The following TLN2 variants were observed in gnomAD, a reference collection of about 807,000 sequenced individuals.
TLN2 encodes the protein talin-2.
TLN2 carries 118 observed loss-of-function variants against 294.7 expected under a neutral mutation model. The ratio of observed to expected loss-of-function variants is 0.40; its 90% confidence interval spans 0.34 to 0.47. The LOEUF (loss-of-function observed/expected upper bound fraction) is 0.47, where lower values mean the gene tolerates loss of function less well. Among genes scored for constraint, TLN2 ranks in the 20% least tolerant of loss-of-function variants. The pLI is 0.84. For missense variants in TLN2, 3,083 were observed against 3,282.2 expected (o/e 0.94, Z 1.48); for synonymous variants, 1,431 against 1,304.5 (o/e 1.10, Z -2.09).
intron 3 of TLN2, among the ~76,000 whole-genome samples, chr15:62,632,700 C>G (rs1048546559): frequency 6.6e-6 from 1 of 152,172 alleles, no homozygotes; most frequent in Non-Finnish European, 1.5e-5. Context: ...TGTAGATTGA[C>G]CTGTATCCTT....
intron 7 of TLN2, among the ~76,000 whole-genome samples, chr15:62,654,745 A>T (rs572961001): frequency 1.8e-5 from 2 of 111,444 alleles, no homozygotes; most frequent in African/African-American, 7.5e-5. Context: ...ACAGAGCGTG[A>T]CTCTGCCTCA....
intron 2 of TLN2, 149 bp downstream of exon 2, chr15:62,589,911 G>T (rs1265966080): frequency 6.6e-6 from 1 of 152,252 alleles, no homozygotes; most frequent in South Asian, 2.1e-4. Flanking sequence ...AAGAGTGCCC[G>T]GTCCTAATAT....
At chr15:62,533,388 G>T (rs1471064233) in intron 1 of TLN2, among the ~76,000 whole-genome samples, 1 of 151,986 alleles carries the variant, frequency 6.6e-6, no homozygotes, top group Non-Finnish European at 1.5e-5. Flanking sequence ...TGGTCAGGGG[G>T]ATGTTTTCCA....
At chr15:62,414,164 C>CTATATATATATATATATATATATATA (rs780803268) in intron 1 of TLN2, among the ~76,000 whole-genome samples, 18 of 90,616 alleles carry the variant, frequency 2.0e-4, no homozygotes, top group Non-Finnish European at 3.1e-4. Context: ...AAAAAAAAAA[C>CTATATATATATATATATATATATATA]TATATATATA....
Position 62,796,177 on chromosome 15 carries a change from A to G in TLN2, c.5934A>G (p.Ala1978=). 1.2e-6 allele frequency: 2 copies of G among 1,614,274 alleles called. No homozygotes were observed. Among genetic ancestry groups the G allele is most frequent in the East Asian group, 2.2e-5 (1 of 44,890 alleles). Residue 1978 remains alanine (A), a synonymous_variant, in exon 47 of 59, where the codon GCA becomes GCG. Coordinates refer to ENST00000636159, the MANE Select transcript of TLN2 (RefSeq NM_015059.3). ...AGGCCGGGAACAAAGGAACCCAGGC[A>G]TGCATTACAGCCGCCACCGCTGTGT... The part of the protein sequence containing the change: ...ALQAGNKGTQ[A]CITAATAVSG...
At chr15:62,684,758 T>C (rs878884647) in intron 11 of TLN2, among the ~76,000 whole-genome samples, 3 of 151,902 alleles carry the variant, frequency 2.0e-5, no homozygotes, top group Admixed American at 6.6e-5. Flanking sequence ...ATGTTCAAAT[T>C]ATGGCTTTAC....
chr15:62,569,884 A>G (rs1336457206), intron 1 of TLN2, among the ~76,000 whole-genome samples: 2 of 152,230 alleles, frequency 1.3e-5, no homozygotes, highest in Non-Finnish European at 2.9e-5. Context: ...TTTCAGGGTT[A>G]ATAATCAAGC....
Position 62,750,417 on chromosome 15 carries a change from T to C in TLN2, c.4135T>C (p.Leu1379=), listed in dbSNP as rs758730250. The C allele has an allele frequency of 1.4e-5, 23 of 1,614,064 alleles. No individual in the cohort carries two copies. Among genetic ancestry groups the C allele is most frequent in the Admixed American group, 1.3e-4 (8 of 60,014 alleles). ...TCTTCTGTAGACTGTGAAGGGGATG[T>C]TGGACAATCCTAATGAACCTGTTAG... The part of the protein sequence containing the change: ...LRELETVKGM[L]DNPNEPVSDL... The change falls in exon 34 of 59, where the codon TTG becomes CTG. Residue 1379 remains leucine (L), a synonymous_variant. Transcript: ENST00000636159.
intron 1 of TLN2, among the ~76,000 whole-genome samples, chr15:62,470,331 G>A (rs1380634016): frequency 6.6e-6 from 1 of 152,250 alleles, no homozygotes; most frequent in Non-Finnish European, 1.5e-5. Context: ...AGGAGGGGCT[G>A]AAACTCTTCA....
chr15:62,606,102 G>C (rs566183858), intron 2 of TLN2, among the ~76,000 whole-genome samples: 5 of 152,108 alleles, frequency 3.3e-5, no homozygotes, highest in African/African-American at 1.2e-4. Context: ...TGTTTTTTGA[G>C]ACGGAGTCTC....
intron 1 of TLN2, among the ~76,000 whole-genome samples, chr15:62,512,132 A>C (rs1400579386): frequency 6.6e-6 from 1 of 152,186 alleles, no homozygotes; most frequent in African/African-American, 2.4e-5. Flanking sequence ...GTCTAAGCTT[A>C]GTATACTTTG....
intron 1 of TLN2, among the ~76,000 whole-genome samples, chr15:62,573,534 C>G (rs2044105414): frequency 6.6e-6 from 1 of 152,082 alleles, no homozygotes; most frequent in Admixed American, 6.5e-5. Context: ...CATAGAGAAC[C>G]CTCCTTCTAT....
intron 3 of TLN2, among the ~76,000 whole-genome samples, chr15:62,618,700 G>C (rs1003773233): frequency 6.6e-6 from 1 of 152,176 alleles, no homozygotes; most frequent in Non-Finnish European, 1.5e-5. Flanking sequence ...TTACTATGAA[G>C]GTGGTTGATT....
At chr15:62,757,266 T>G (rs2141010873) in intron 37 of TLN2, among the ~76,000 whole-genome samples, 1 of 152,308 alleles carries the variant, frequency 6.6e-6, no homozygotes, top group South Asian at 2.1e-4. Flanking sequence ...GCTGTTCACC[T>G]CTTTGGGATG....
intron 32 of TLN2, among the ~76,000 whole-genome samples, chr15:62,741,748 C>CGCGCGTATGTGTGTGTGTGTGTGT: frequency 6.9e-5 from 9 of 131,072 alleles, no homozygotes; most frequent in Non-Finnish European, 9.6e-5. Context: ...AAAATTTGCG[C>CGCGCGTATGTGTGTGTGTGTGTGT]GTGTGTGTGT....
At chr15:62,614,687 A>G (rs1299351434) in intron 2 of TLN2, among the ~76,000 whole-genome samples, 1 of 152,254 alleles carries the variant, frequency 6.6e-6, no homozygotes, top group Non-Finnish European at 1.5e-5. Flanking sequence ...GAGAATTGTA[A>G]AAAGTTTTAA....
intron 3 of TLN2, chr15:62,637,931 T>G (rs567520668): frequency 2.6e-5 from 4 of 152,390 alleles, no homozygotes; most frequent in Admixed American, 2.6e-4. Context: ...TTGCAGGGAT[T>G]GAAAAATCAT....
intron 32 of TLN2, among the ~76,000 whole-genome samples, chr15:62,747,667 C>A (rs1415945150): frequency 6.6e-6 from 1 of 152,042 alleles, no homozygotes; most frequent in African/African-American, 2.4e-5. Flanking sequence ...GGACCCTTGA[C>A]CAATGCAAAG....
chr15:62,505,165 G>A (rs1203280928), intron 1 of TLN2, among the ~76,000 whole-genome samples: 1 of 152,006 alleles, frequency 6.6e-6, no homozygotes, highest in Non-Finnish European at 1.5e-5. Flanking sequence ...CACCATGTTG[G>A]CCAGGCCAGT....
Sources: allele counts gnomAD v4.1 joint callset (sites outside exome capture counted in the v4.1 genomes callset), GRCh38; gene constraint gnomAD v4.1.1; transcripts MANE v1.5; gene names NCBI Gene and HGNC (gene_info 2026-07-23, HGNC 2026-07-21).